The following MARCHF3 variants were observed in gnomAD, a reference collection of about 807,000 sequenced individuals.
MARCHF3 encodes the protein E3 ubiquitin-protein ligase MARCHF3.
In MARCHF3, 13 loss-of-function variants were observed where a neutral mutation model predicts 24.2. That is an observed-to-expected ratio of 0.54 (90% CI 0.35 to 0.85). The LOEUF is 0.85. Ranked by LOEUF, MARCHF3 falls within the 40% of genes least tolerant of loss-of-function variation. The probability of loss-of-function intolerance (pLI) is 0.01; values close to 1 mark genes in which losing one functional copy is unlikely to be tolerated. For missense variants in MARCHF3, 276 were observed against 325.0 expected (o/e 0.85, Z 1.16); for synonymous variants, 144 against 137.3 (o/e 1.05, Z -0.34).
intron 1 of MARCHF3, among the ~76,000 whole-genome samples, chr5:126,966,997 T>G (rs1750842523): frequency 6.8e-6 from 1 of 146,980 alleles, no homozygotes; most frequent in Admixed American, 6.9e-5. Context: ...CATATGTTTT[T>G]GGGGAACAGG....
intron 3 of MARCHF3, among the ~76,000 whole-genome samples, chr5:126,887,207 C>G (rs557130538): frequency 6.6e-6 from 1 of 152,190 alleles, no homozygotes; most frequent in East Asian, 1.9e-4. Flanking sequence ...GTGTTTGTAC[C>G]CTGGAGTCCA....
At chr5:126,896,154 C>T (rs1753899845) in intron 3 of MARCHF3, among the ~76,000 whole-genome samples, 1 of 152,190 alleles carries the variant, frequency 6.6e-6, no homozygotes, top group East Asian at 1.9e-4. Context: ...GGCAATGCCT[C>T]GCCCTACTTC....
At chr5:126,876,972 A>G (rs1253020333) in intron 4 of MARCHF3, among the ~76,000 whole-genome samples, 2 of 152,208 alleles carry the variant, frequency 1.3e-5, no homozygotes, top group East Asian at 3.8e-4. Flanking sequence ...TTCTAAAGGA[A>G]GCAATAATAG....
At chr5:127,016,722 C>G (rs940360324) in intron 1 of MARCHF3, among the ~76,000 whole-genome samples, 15 of 152,222 alleles carry the variant, frequency 9.9e-5, no homozygotes, top group Non-Finnish European at 2.2e-4. Context: ...GGATCTAGAA[C>G]TAGAAATACC....
chr5:127,004,792 C>T (rs937515245), intron 1 of MARCHF3, among the ~76,000 whole-genome samples: 1 of 151,994 alleles, frequency 6.6e-6, no homozygotes, highest in African/African-American at 2.4e-5. Context: ...TGAAGAGTGC[C>T]TTCATTGGTG....
chr5:126,917,847 T>C (rs1748943319), intron 2 of MARCHF3, 137 bp downstream of exon 2: 2 of 168,762 alleles, frequency 1.2e-5, no homozygotes, highest in Non-Finnish European at 1.0e-5. Flanking sequence ...TCGTGTAGTC[T>C]TTTTTTTTTT....
intron 1 of MARCHF3, among the ~76,000 whole-genome samples, chr5:126,967,932 C>G (rs1374656545): frequency 6.6e-6 from 1 of 150,766 alleles, no homozygotes; most frequent in East Asian, 1.9e-4. Context: ...AGGGCATTAT[C>G]ATCACCCCAG....
At chr5:126,883,730 T>C (rs548065696) in intron 3 of MARCHF3, among the ~76,000 whole-genome samples, 1 of 152,318 alleles carries the variant, frequency 6.6e-6, no homozygotes, top group Non-Finnish European at 1.5e-5. Context: ...GGTGCTGTGT[T>C]ACAGAACTTT....
chr5:126,955,226 A>C (rs2126818538), intron 1 of MARCHF3, among the ~76,000 whole-genome samples: 1 of 152,364 alleles, frequency 6.6e-6, no homozygotes, highest in African/African-American at 2.4e-5. Context: ...AGGAAACAAA[A>C]TATGAACATA....
chr5:126,934,018 C>T (rs1043203313), intron 1 of MARCHF3, among the ~76,000 whole-genome samples: 1 of 152,190 alleles, frequency 6.6e-6, no homozygotes, highest in Non-Finnish European at 1.5e-5. Flanking sequence ...CAATCTGCTT[C>T]AGTAAACTGC....
At chr5:127,004,789 T>G (rs2126853137) in intron 1 of MARCHF3, among the ~76,000 whole-genome samples, 1 of 152,052 alleles carries the variant, frequency 6.6e-6, no homozygotes, top group East Asian at 1.9e-4. Flanking sequence ...CAGTGAAGAG[T>G]GCCTTCATTG....
intron 1 of MARCHF3, among the ~76,000 whole-genome samples, chr5:126,983,278 C>T (rs574790338): frequency 3.3e-5 from 5 of 152,226 alleles, no homozygotes; most frequent in South Asian, 2.1e-4. Flanking sequence ...TCTTAAAAAT[C>T]GGCTCCAGGA....
chr5:126,870,978 G>A (rs928021249), intron 4 of MARCHF3, among the ~76,000 whole-genome samples, 187 bp from the exon 5 acceptor site: 12 of 152,220 alleles, frequency 7.9e-5, no homozygotes, highest in African/African-American at 2.7e-4. Context: ...CAGCCAAAGA[G>A]CACCCTATGT....
intron 1 of MARCHF3, among the ~76,000 whole-genome samples, chr5:126,948,232 G>A (rs1414307719): frequency 3.3e-5 from 5 of 152,192 alleles, no homozygotes; most frequent in African/African-American, 9.6e-5. Flanking sequence ...CAGTACCCAC[G>A]GAGATTGGTT....
rs1162828813 is a variant in MARCHF3 at position 126,918,164 on chromosome 5, G to T, written c.8C>A (p.Thr3Asn). ...TTCGGGCAGGTGACTGCAGCGGCTG[G>T]TTGTCATGGTAACAGACAGCAATTA... MTTSRCSHLPEVL... is the reference protein window; with the variant it reads MTNSRCSHLPEVL... The change falls in exon 2 of 5, where the codon ACC becomes AAC. Residue 3 changes from threonine (T) to asparagine (N), a missense_variant. Physicochemically the swap from Thr to Asn is moderately conservative, Grantham distance 65. Transcript: ENST00000308660. 6.2e-7 allele frequency: 1 copy of T among 1,613,024 alleles called. No homozygotes were observed. The highest frequency in any genetic ancestry group is 1.7e-5 in the Admixed American group (1 of 59,946).
At chr5:126,938,624 A>G (rs942749876) in intron 1 of MARCHF3, among the ~76,000 whole-genome samples, 2 of 152,082 alleles carry the variant, frequency 1.3e-5, no homozygotes, top group African/African-American at 4.8e-5. Context: ...CACACTGTGG[A>G]TACAATTTCT....
intron 3 of MARCHF3, among the ~76,000 whole-genome samples, chr5:126,910,927 G>A (rs1256725605): frequency 2.6e-5 from 4 of 152,192 alleles, no homozygotes; most frequent in Non-Finnish European, 4.4e-5. Context: ...ACATCCCTGA[G>A]AAATAGAATG....
intron 1 of MARCHF3, among the ~76,000 whole-genome samples, chr5:126,938,558 A>G (rs1167575185): frequency 6.6e-6 from 1 of 152,150 alleles, no homozygotes. Context: ...AAGCAAAAAA[A>G]AAAAAAATTT....
intron 1 of MARCHF3, among the ~76,000 whole-genome samples, chr5:127,024,263 C>T (rs76359726): frequency 0.02 from 3,095 of 152,318 alleles, 73 homozygotes; most frequent in South Asian, 0.11. Context: ...GATTCACTTA[C>T]TGCTACCATT....
Sources: allele counts gnomAD v4.1 joint callset (sites outside exome capture counted in the v4.1 genomes callset), GRCh38; gene constraint gnomAD v4.1.1; transcripts MANE v1.5; gene names NCBI Gene and HGNC (gene_info 2026-07-23, HGNC 2026-07-21).